The following FAM151A variants were observed in gnomAD, a reference collection of about 807,000 sequenced individuals.
The protein encoded by FAM151A is protein FAM151A.
Under a neutral mutation model 40.4 loss-of-function variants are expected in FAM151A, and 41 were observed. The ratio of observed to expected loss-of-function variants is 1.01; its 90% confidence interval spans 0.79 to 1.32. The LOEUF is 1.32. FAM151A is among the 40% of genes most tolerant of loss of function. The pLI, the probability that FAM151A is intolerant of heterozygous loss-of-function variation, is 0.00. For missense variants in FAM151A, 740 were observed against 740.4 expected (o/e 1.00, Z 0.01); for synonymous variants, 337 against 312.5 (o/e 1.08, Z -0.83).
Position 54,614,854 on chromosome 1 carries a change from T to A in FAM151A, c.421A>T (p.Lys141Ter), listed in dbSNP as rs1214767920. The A allele has an allele frequency of 1.9e-6, 3 of 1,613,452 alleles. No individual in the cohort carries two copies. Among genetic ancestry groups the A allele is most frequent in the Non-Finnish European group, 2.5e-6 (3 of 1,179,792 alleles). Reference sequence around the variant, plus strand: ...GCCTTGATGTTCTTGAAGTCCAGTTTGATGCCTGTGGGGAAAGGAACAAGG... The same window carrying A: ...GCCTTGATGTTCTTGAAGTCCAGTTAGATGCCTGTGGGGAAAGGAACAAGG... ...AVLGSSQKGI[K>*]LDFKNIKAVG... is the part of the protein sequence containing the mutation. Residue 141 changes from lysine (K) to a stop codon, truncating the protein, a stop_gained, in exon 4 of 8, where the codon AAA becomes TAA. Coordinates refer to ENST00000302250, the MANE Select transcript of FAM151A (RefSeq NM_176782.3). LOFTEE classifies it high-confidence loss of function.
At chr1:54,610,337 CG>C in intron 7 of FAM151A, 74 bp downstream of exon 7, 4 of 1,564,778 alleles carry the variant, frequency 2.6e-6, no homozygotes. Flanking sequence ...CAACAGAGAC[CG>C]GCGGTACCTG....
At position 54,616,106 on chromosome 1, in the gene FAM151A, A is replaced by C. The variant is rs773943398; in HGVS notation, c.329T>G (p.Val110Gly). Residue 110 changes from valine to glycine, a missense_variant, in exon 3 of 8, where the codon GTT (valine) becomes GGT (glycine). Val to Gly is a moderately radical substitution (Grantham distance 109). Transcript: ENST00000302250. Reference protein sequence around the residue: ...EGLGTANETGVPIMAHPPTIY... With the variant: ...EGLGTANETGGPIMAHPPTIY... ...AGTGGGGGGGTGTGCCATGATGGGA[A>C]CTCCTGTCTCATTGGCTGTGCCGAG... is the stretch of plus-strand genomic sequence containing the variant. 1.9e-5 allele frequency: 31 copies of C among 1,613,554 alleles called. No homozygotes were observed. Among genetic ancestry groups the C allele is most frequent in the Middle Eastern group, 3.3e-4 (2 of 6,058 alleles).
chr1:54,617,709 ATTTTTTTTTTTTTTTTTTT>A (rs56229276), intron 2 of FAM151A, among the ~76,000 whole-genome samples: 26 of 55,774 alleles, frequency 4.7e-4, no homozygotes, highest in Admixed American at 9.6e-4. Context: ...AGGGCCTGAG[ATTTTTTTTTTTTTTTTTTT>A]TTTTTTTTTT....
At chr1:54,616,739 A>T (rs1644177707) in intron 2 of FAM151A, among the ~76,000 whole-genome samples, 1 of 152,166 alleles carries the variant, frequency 6.6e-6, no homozygotes, top group Non-Finnish European at 1.5e-5. Context: ...TTTCAACATT[A>T]TGACACATTT....
At chr1:54,622,369 A>T (rs1401214413) in intron 1 of FAM151A, among the ~76,000 whole-genome samples, 3 of 151,914 alleles carry the variant, frequency 2.0e-5, no homozygotes, top group Admixed American at 1.3e-4. Flanking sequence ...TCAGGAGGTC[A>T]AGAGATCAAG....
Position 54,612,590 on chromosome 1 carries a change from G to C in FAM151A, c.696C>G (p.His232Gln). The C allele has an allele frequency of 6.2e-7, 1 of 1,614,104 alleles. No homozygotes were observed. Among genetic ancestry groups the C allele is most frequent in the Non-Finnish European group, 8.5e-7 (1 of 1,179,998 alleles). Residue 232 changes from histidine to glutamine, a missense_variant, in exon 5 of 8, where the codon CAC (histidine) becomes CAG (glutamine). Transcript: ENST00000302250. Reference protein sequence around the residue: ...TYTQAMVEKMHELVGGVPQRV... With the variant: ...TYTQAMVEKMQELVGGVPQRV... ...TCTGGGGCACTCCTCCCACCAGCTC[G>C]TGCATCTTCTCCACCATGGCTTGGG...
In FAM151A at chr1:54,619,918, C is replaced by T. The variant is rs1443785696; in HGVS notation, c.208G>A (p.Val70Ile). The T allele has an allele frequency of 1.2e-6, 2 of 1,614,060 alleles. No homozygotes were observed. The highest frequency in any genetic ancestry group is 2.7e-5 in the African/African-American group (2 of 74,932). ...CTGTTGGCTGCGTGGTACCAGGTGACCTCCAAGGCATCTCGCCGGCTGATC... is the reference window on the plus strand; with the variant it reads ...CTGTTGGCTGCGTGGTACCAGGTGATCTCCAAGGCATCTCGCCGGCTGATC... ...GQISRRDALE[V>I]TWYHAANSKK... is the part of the protein sequence containing the mutation. Residue 70 changes from valine (V) to isoleucine (I), a missense_variant, in exon 2 of 8, where the codon GTC becomes ATC. Val to Ile is a conservative substitution (Grantham distance 29). Coordinates refer to ENST00000302250, the MANE Select transcript of FAM151A (RefSeq NM_176782.3).
At chr1:54,610,638 G>A in intron 6 of FAM151A, 83 bp from the exon 7 acceptor site, 5 of 1,542,800 alleles carry the variant, frequency 3.2e-6, no homozygotes, top group Non-Finnish European at 4.4e-6. Context: ...ATAGGCCACA[G>A]CTCTACGGGC....
rs141058235 is a variant in FAM151A at position 54,612,587 on chromosome 1, C to T, written c.699G>A (p.Glu233=). 8.1e-6 allele frequency: 13 copies of T among 1,613,986 alleles called. No individual in the cohort carries two copies. In the African/African-American group the frequency reaches 1.6e-4, roughly 20 times the overall value. ...YTQAMVEKMH[E]LVGGVPQRVT... Reference sequence around the variant, plus strand: ...CCCTCTGGGGCACTCCTCCCACCAGCTCGTGCATCTTCTCCACCATGGCTT... The same window carrying T: ...CCCTCTGGGGCACTCCTCCCACCAGTTCGTGCATCTTCTCCACCATGGCTT... The change falls in exon 5 of 8, where the codon GAG becomes GAA. Residue 233 remains glutamate, a synonymous_variant. Transcript: ENST00000302250.
intron 3 of FAM151A, 35 bp from the exon 4 acceptor site, chr1:54,614,894 C>G (rs774957277): frequency 6.2e-7 from 1 of 1,603,460 alleles, no homozygotes; most frequent in Non-Finnish European, 8.5e-7. Context: ...GGGGAAATGG[C>G]GAAGGAACTA....
In FAM151A at chr1:54,609,418, G is replaced by T. The variant is rs141833986; in HGVS notation, c.1608C>A (p.Thr536=). ...CAGCTGGGTTGTGCTCCACTGTGAC[G>T]GTGGCCCGGGGGGAGGATGCCAGCA... ...GRLLASSPRA[T]VTVEHNPAGG... is the part of the protein sequence containing the mutation. Residue 536 remains threonine, a synonymous_variant, in exon 8 of 8, where the codon ACC becomes ACA. Coordinates refer to ENST00000302250, the MANE Select transcript of FAM151A (RefSeq NM_176782.3). 6.2e-7 allele frequency: 1 copy of T among 1,613,812 alleles called. No homozygotes were observed. The highest frequency in any genetic ancestry group is 1.3e-5 in the African/African-American group (1 of 74,904).
chr1:54,616,562 G>A (rs1249484553), intron 2 of FAM151A, among the ~76,000 whole-genome samples: 2 of 151,892 alleles, frequency 1.3e-5, no homozygotes, highest in African/African-American at 4.8e-5. Context: ...AGTGGAGACG[G>A]GGTTTCACCA....
chr1:54,622,563 C>T (rs1239561840), intron 1 of FAM151A, among the ~76,000 whole-genome samples: 1 of 149,888 alleles, frequency 6.7e-6, no homozygotes, highest in African/African-American at 2.5e-5. Context: ...AGAGAGACTC[C>T]GTTTCAAAAA....
rs113421099 is a variant in FAM151A, at chr1:54,622,931, T to C, written c.118+347A>G. On this transcript the variant is annotated intron_variant, in intron 1 of 7. Transcript: ENST00000302250. ...GACTCACACCTGTAATCCCAGCACTTTGAGAGGCTGAGGCAGGTGGATCAC... is the reference window on the plus strand; with the variant it reads ...GACTCACACCTGTAATCCCAGCACTCTGAGAGGCTGAGGCAGGTGGATCAC... Among the ~76,000 whole-genome samples, 600 of 151,980 alleles carry C rather than the reference T, an allele frequency of 3.9e-3. 2 individuals are homozygous for C. The highest frequency in any genetic ancestry group is 0.014 in the African/African-American group (566 of 41,470).
rs41297137 is a variant in FAM151A at position 54,609,668 on chromosome 1, G to T, written c.1358C>A (p.Ser453Ter). The T allele has an allele frequency of 6.2e-7, 1 of 1,613,856 alleles. No homozygotes were observed. The highest frequency in any genetic ancestry group is 8.5e-7 in the Non-Finnish European group (1 of 1,180,034). The stretch of plus-strand genomic sequence containing the variant: ...TCTGCCAGCCACATGGCCGGGGACC[G>T]AAAAACTCCCGTGGGAGATTTTGGC... ...VGAKISHGSFSVPGHVAGREL... is the reference protein window; with the variant it reads ...VGAKISHGSF Residue 453 changes from serine (S) to a stop codon, truncating the protein, a stop_gained, in exon 8 of 8, where the codon TCG (serine) becomes TAG (stop). Coordinates refer to ENST00000302250, the MANE Select transcript of FAM151A (RefSeq NM_176782.3). LOFTEE classifies it low-confidence loss of function (END_TRUNC).
chr1:54,609,307 G>A lies in FAM151A; in HGVS notation c.1719C>T (p.Gly573=), dbSNP rs766986695. ...RTRVYYRLPQ[G]YHKDLLAHVG... ...CATGAGCCAGCAAGTCCTTGTGGTA[G>A]CCCTGGGGTAGCCTGTAGTAGACTC... The change falls in exon 8 of 8, where the codon GGC becomes GGT. Residue 573 remains glycine (G), a synonymous_variant. Coordinates refer to ENST00000302250, the MANE Select transcript of FAM151A (RefSeq NM_176782.3). 4.3e-6 allele frequency: 7 copies of A among 1,611,406 alleles called. No individual in the cohort carries two copies. Among genetic ancestry groups the A allele is most frequent in the Non-Finnish European group, 1.7e-6 (2 of 1,178,034 alleles).
intron 6 of FAM151A, among the ~76,000 whole-genome samples, chr1:54,611,200 A>C (rs1228763420): frequency 6.6e-6 from 1 of 152,118 alleles, no homozygotes; most frequent in Non-Finnish European, 1.5e-5. Flanking sequence ...TTGGGAGGCC[A>C]AGGCGGGCGG....
chr1:54,610,366 C>T, intron 7 of FAM151A, 46 bp downstream of exon 7: 1 of 1,599,694 alleles, frequency 6.3e-7, no homozygotes, highest in African/African-American at 1.3e-5. Context: ...CAAAGGACAC[C>T]CCTGCAGATG....
At chr1:54,611,065 G>C in intron 6 of FAM151A, 1 of 956,878 alleles carries the variant, frequency 1.0e-6, no homozygotes, top group Non-Finnish European at 1.2e-6. Flanking sequence ...CATAAAAGCT[G>C]AGTGACTGTA....
Sources: gnomAD v4.1 joint callset for allele counts (sites outside exome capture counted in the v4.1 genomes callset) on GRCh38, gnomAD v4.1.1 for gene constraint, MANE v1.5 for transcripts, NCBI Gene and HGNC (gene_info 2026-07-23, HGNC 2026-07-21) for gene names.